The following LMBRD1 variants were observed in gnomAD, a reference collection of about 807,000 sequenced individuals.
LMBRD1 encodes LMBR1 domain containing 1.
In LMBRD1, 64 loss-of-function variants were observed where a neutral mutation model predicts 74.8. The observed-to-expected ratio is 0.86, with a 90% CI of 0.70 to 1.05. LMBRD1 has a LOEUF of 1.05. LMBRD1 is among the 50% of genes least tolerant of loss of function. The probability of loss-of-function intolerance (pLI) is 0.00; values close to 1 mark genes in which losing one functional copy is unlikely to be tolerated. For synonymous variants in LMBRD1, 204 were observed against 216.3 expected, an observed-to-expected ratio of 0.94 and a Z score of 0.50; for missense variants, 652 against 645.9, an observed-to-expected ratio of 1.01 and a Z score of -0.10.
chr6:69,763,421 C>T (rs183371949), intron 3 of LMBRD1, among the ~76,000 whole-genome samples: 16 of 152,202 alleles, frequency 1.1e-4, no homozygotes, highest in African/African-American at 3.4e-4. Context: ...CCAGCAGAAA[C>T]ACTGCCAGTT....
intron 2 of LMBRD1, among the ~76,000 whole-genome samples, chr6:69,784,187 G>A (rs1272606790): frequency 1.3e-5 from 2 of 152,230 alleles, no homozygotes; most frequent in South Asian, 2.1e-4. Flanking sequence ...TCTCGAAGTA[G>A]AAACTAAAAG....
intron 14 of LMBRD1, among the ~76,000 whole-genome samples, chr6:69,685,602 A>T (rs745583585): frequency 9.2e-5 from 14 of 152,112 alleles, no homozygotes; most frequent in Non-Finnish European, 1.8e-4. Flanking sequence ...GGAGTTCAGG[A>T]CCAGCCTGGG....
chr6:69,788,836 A>T (rs1314663681), intron 2 of LMBRD1, among the ~76,000 whole-genome samples: 1 of 152,224 alleles, frequency 6.6e-6, no homozygotes, highest in African/African-American at 2.4e-5. Context: ...TTCCCAAGAA[A>T]CCTCATGAAC....
intron 2 of LMBRD1, among the ~76,000 whole-genome samples, chr6:69,785,251 T>G (rs1027980671): frequency 1.3e-5 from 2 of 152,210 alleles, no homozygotes; most frequent in African/African-American, 4.8e-5. Context: ...CAGCTGACCT[T>G]CTACACGATA....
chr6:69,705,046 C>T (rs1314484974), intron 9 of LMBRD1, among the ~76,000 whole-genome samples: 8 of 151,976 alleles, frequency 5.3e-5, no homozygotes, highest in Non-Finnish European at 8.8e-5. Flanking sequence ...ACCACCACTA[C>T]TACTATGTCC....
At chr6:69,745,509 C>T (rs1767206245) in intron 5 of LMBRD1, among the ~76,000 whole-genome samples, 1 of 151,892 alleles carries the variant, frequency 6.6e-6, no homozygotes, top group Non-Finnish European at 1.5e-5. Flanking sequence ...CCACCCGCCT[C>T]GGCCTCCCAA....
intron 14 of LMBRD1, among the ~76,000 whole-genome samples, chr6:69,682,008 G>A (rs767280041): frequency 6.6e-6 from 1 of 151,742 alleles, no homozygotes; most frequent in Non-Finnish European, 1.5e-5. Flanking sequence ...GCTCAGGGAT[G>A]GGAAGAAAAA....
At chr6:69,720,107 T>C (rs1430259473) in intron 7 of LMBRD1, among the ~76,000 whole-genome samples, 1 of 152,244 alleles carries the variant, frequency 6.6e-6, no homozygotes, top group African/African-American at 2.4e-5. Context: ...AAATCTCTTT[T>C]ATGCAATGAT....
chr6:69,714,230 C>A (rs1199875647), intron 8 of LMBRD1, among the ~76,000 whole-genome samples: 1 of 151,906 alleles, frequency 6.6e-6, no homozygotes, highest in Non-Finnish European at 1.5e-5. Flanking sequence ...TGAACTGATG[C>A]TTCTCAGCCC....
intron 7 of LMBRD1, among the ~76,000 whole-genome samples, chr6:69,730,226 G>GT (rs1766826383): frequency 6.6e-6 from 1 of 151,992 alleles, no homozygotes; most frequent in Admixed American, 6.6e-5. Flanking sequence ...TTACCGCTCA[G>GT]TTTAGAAGGG....
Position 69,697,418 on chromosome 6 carries a change from T to G in LMBRD1, c.1417+145A>C, listed in dbSNP as rs549407430. 3 of 633,924 alleles carry G rather than the reference T, an allele frequency of 4.7e-6. No homozygotes were observed. In the East Asian group the frequency reaches 8.0e-5, roughly 17 times the overall value. 39.3% of individuals were successfully genotyped at this position (633,924 alleles called of 1,614,324 possible). Reference sequence around the variant, plus strand: ...AAATCCTTTCATCAACAAGAAATTCTACTGAAGAGATTTACCAACCTCTAC... The same window carrying G: ...AAATCCTTTCATCAACAAGAAATTCGACTGAAGAGATTTACCAACCTCTAC... On this transcript the variant is annotated intron_variant, in intron 14 of 15. Coordinates refer to ENST00000649934, the MANE Select transcript of LMBRD1 (RefSeq NM_018368.4).
chr6:69,796,735 G>C, intron 1 of LMBRD1, 78 bp downstream of exon 1: 1 of 1,381,466 alleles, frequency 7.2e-7, no homozygotes, highest in Non-Finnish European at 1.0e-6. Flanking sequence ...CCGGGGCCCG[G>C]AGAGGCCAAC....
rs765308443 is a variant in LMBRD1 at position 69,790,376 on chromosome 6, T to C, written c.166A>G (p.Ile56Val). ...AGAAGTGCTGATGTGATAAGTGCAA[T>C]TGCTAGAGAAAAAATTGCTGTTATG... is the stretch of plus-strand genomic sequence containing the variant. The part of the protein sequence containing the change: ...STITAIFSLA[I>V]ALITSALLPV... Residue 56 changes from isoleucine to valine, a missense_variant, in exon 2 of 16, where the codon ATT (isoleucine) becomes GTT (valine). By Grantham distance (29) the Ile-to-Val change is conservative. This residue lies in a region of LMBRD1 where 598 missense variants were observed against 581.8 expected (regional missense o/e 1.03). Transcript: ENST00000649934. The C allele has an allele frequency of 3.1e-6, 5 of 1,613,718 alleles. No individual in the cohort carries two copies. The East Asian group carries it at 6.7e-5, about 22-fold the overall frequency.
chr6:69,782,989 C>T (rs1765871210), intron 2 of LMBRD1, among the ~76,000 whole-genome samples: 1 of 152,088 alleles, frequency 6.6e-6, no homozygotes, highest in African/African-American at 2.4e-5. Flanking sequence ...ACTGTACATG[C>T]ATAACATAGA....
At chr6:69,700,987 TG>T (rs1282448777) in intron 11 of LMBRD1, 118 bp from the exon 12 acceptor site, 3 of 717,878 alleles carry the variant, frequency 4.2e-6, no homozygotes, top group Non-Finnish European at 6.1e-6. Context: ...GTATCAACCT[TG>T]ATTTAGATTA....
intron 14 of LMBRD1, among the ~76,000 whole-genome samples, chr6:69,688,646 C>T (rs1765816552): frequency 6.6e-6 from 1 of 151,908 alleles, no homozygotes; most frequent in Non-Finnish European, 1.5e-5. Flanking sequence ...CTAAAATCAG[C>T]ATCTACTTGG....
intron 9 of LMBRD1, 77 bp from the exon 10 acceptor site, chr6:69,702,030 T>C: frequency 2.4e-6 from 2 of 841,616 alleles, no homozygotes; most frequent in Non-Finnish European, 4.0e-6. Context: ...ATATTCAATA[T>C]GAGTTGCTAG....
intron 3 of LMBRD1, among the ~76,000 whole-genome samples, chr6:69,778,645 C>T (rs1024924393): frequency 6.6e-6 from 1 of 152,126 alleles, no homozygotes; most frequent in African/African-American, 2.4e-5. Flanking sequence ...ACCTCCCCCC[C>T]TAAAACTTTG....
At chr6:69,784,630 C>A (rs1765907911) in intron 2 of LMBRD1, among the ~76,000 whole-genome samples, 1 of 152,196 alleles carries the variant, frequency 6.6e-6, no homozygotes, top group African/African-American at 2.4e-5. Flanking sequence ...TTGAGAAATA[C>A]TGACTTAGAG....
Sources: allele counts gnomAD v4.1 joint callset (sites outside exome capture counted in the v4.1 genomes callset), GRCh38; gene constraint gnomAD v4.1.1; regional missense constraint gnomAD v4.1.1; transcripts MANE v1.5; gene names NCBI Gene and HGNC (gene_info 2026-07-23, HGNC 2026-07-21).